SGMS1: variants seen among roughly 807,000 people sequenced by gnomAD.
SGMS1 encodes the protein phosphatidylcholine:ceramide cholinephosphotransferase 1.
SGMS1 carries 13 observed loss-of-function variants against 46.2 expected under a neutral mutation model. The observed-to-expected ratio is 0.28, with a 90% CI of 0.18 to 0.45. SGMS1 has a LOEUF of 0.45. SGMS1 is among the 20% of genes least tolerant of loss of function. The pLI, the probability that SGMS1 is intolerant of heterozygous loss-of-function variation, is 1.00. For synonymous variants in SGMS1, 203 were observed against 187.8 expected (o/e 1.08, Z -0.66); for missense variants, 324 against 519.9 (o/e 0.62, Z 3.66).
intron 8 of SGMS1, among the ~76,000 whole-genome samples, chr10:50,326,630 G>A (rs908436030): frequency 3.3e-5 from 5 of 152,194 alleles, no homozygotes; most frequent in African/African-American, 1.2e-4. Context: ...GTAAAGGTTA[G>A]GAGGTGAAGA....
intron 2 of SGMS1, among the ~76,000 whole-genome samples, chr10:50,587,631 ATATGTGTGTGTGTGTG>A (rs1838498016): frequency 8.4e-6 from 1 of 118,658 alleles, no homozygotes. Flanking sequence ...CTCAAAATAT[ATATGTGTGTGTGTGTG>A]TGTGTGTGTG....
chr10:50,519,131 A>C (rs1837835344), intron 3 of SGMS1, among the ~76,000 whole-genome samples: 1 of 152,230 alleles, frequency 6.6e-6, no homozygotes, highest in African/African-American at 2.4e-5. Flanking sequence ...GCAATATACT[A>C]TTCTGTTCAA....
At chr10:50,318,579 C>T (rs768892758) in intron 8 of SGMS1, among the ~76,000 whole-genome samples, 1 of 152,008 alleles carries the variant, frequency 6.6e-6, no homozygotes, top group African/African-American at 2.4e-5. Flanking sequence ...CCCTGCCGGA[C>T]GCTCACTGGT....
intron 3 of SGMS1, among the ~76,000 whole-genome samples, chr10:50,490,530 T>C (rs768327284): frequency 2.4e-4 from 36 of 152,344 alleles, no homozygotes; most frequent in South Asian, 4.1e-4. Flanking sequence ...TTTCACATCA[T>C]ATGGTTTCTC....
chr10:50,560,800 T>A (rs1384872502), intron 2 of SGMS1, among the ~76,000 whole-genome samples: 1 of 152,096 alleles, frequency 6.6e-6, no homozygotes, highest in African/African-American at 2.4e-5. Context: ...TTGCTGACTC[T>A]AGCCATACAA....
intron 2 of SGMS1, among the ~76,000 whole-genome samples, chr10:50,542,551 T>C (rs896450941): frequency 6.6e-6 from 1 of 151,192 alleles, no homozygotes; most frequent in African/African-American, 2.4e-5. Flanking sequence ...ATAACATAAG[T>C]CCAAATAAAA....
chr10:50,367,999 G>A (rs188842476), intron 6 of SGMS1, among the ~76,000 whole-genome samples: 6 of 152,326 alleles, frequency 3.9e-5, no homozygotes, highest in South Asian at 4.1e-4. Context: ...CCCTTCTCAA[G>A]TTATACAGCA....
chr10:50,603,884 G>A (rs904533028), intron 1 of SGMS1, among the ~76,000 whole-genome samples: 4 of 151,996 alleles, frequency 2.6e-5, no homozygotes, highest in Admixed American at 6.6e-5. Flanking sequence ...TACATAAACA[G>A]GTTAAGATTT....
chr10:50,348,104 A>G (rs1847943993), intron 6 of SGMS1, among the ~76,000 whole-genome samples: 1 of 152,100 alleles, frequency 6.6e-6, no homozygotes, highest in Non-Finnish European at 1.5e-5. Flanking sequence ...GAGTGAGAAC[A>G]TGTGGTTTTT....
chr10:50,309,778 G>A (rs1371125991), intron 9 of SGMS1, among the ~76,000 whole-genome samples: 2 of 152,050 alleles, frequency 1.3e-5, no homozygotes, highest in African/African-American at 4.8e-5. Flanking sequence ...CCTTATCTTA[G>A]TTTTTCAAGA....
intron 2 of SGMS1, among the ~76,000 whole-genome samples, chr10:50,578,466 A>T (rs946500790): frequency 3.9e-5 from 6 of 152,178 alleles, no homozygotes; most frequent in African/African-American, 1.2e-4. Flanking sequence ...TTTATTTTTT[A>T]TCACAAGGCC....
intron 1 of SGMS1, among the ~76,000 whole-genome samples, chr10:50,595,336 T>TG (rs1046347078): frequency 6.6e-6 from 1 of 152,090 alleles, no homozygotes; most frequent in Non-Finnish European, 1.5e-5. Flanking sequence ...CCACCATGCC[T>TG]GGCTAACGTT....
At chr10:50,479,411 G>A (rs2133715858) in intron 3 of SGMS1, among the ~76,000 whole-genome samples, 1 of 152,252 alleles carries the variant, frequency 6.6e-6, no homozygotes, top group Non-Finnish European at 1.5e-5. Context: ...CAAGCATTGT[G>A]TCCCTTAGGA....
At chr10:50,329,728 C>G (rs1252987952) in intron 7 of SGMS1, among the ~76,000 whole-genome samples, 1 of 152,216 alleles carries the variant, frequency 6.6e-6, no homozygotes. Context: ...CAGATGCCAA[C>G]AAGAAGATGT....
chr10:50,376,236 C>A (rs1483649047), intron 6 of SGMS1, among the ~76,000 whole-genome samples: 1 of 152,170 alleles, frequency 6.6e-6, no homozygotes, highest in African/African-American at 2.4e-5. Context: ...GCACAAAAGA[C>A]CACAAACAGA....
At chr10:50,356,906 G>A (rs1240728239) in intron 6 of SGMS1, among the ~76,000 whole-genome samples, 2 of 151,888 alleles carry the variant, frequency 1.3e-5, no homozygotes, top group African/African-American at 4.8e-5. Flanking sequence ...ACCACACACC[G>A]GGGCCTATTG....
chr10:50,409,797 G>A (rs1343720720), intron 6 of SGMS1, among the ~76,000 whole-genome samples: 2 of 151,970 alleles, frequency 1.3e-5, no homozygotes, highest in Non-Finnish European at 2.9e-5. Flanking sequence ...ATATATCAAC[G>A]GGAATATAAG....
At chr10:50,600,179 T>G (rs529991362) in intron 1 of SGMS1, among the ~76,000 whole-genome samples, 1 of 152,340 alleles carries the variant, frequency 6.6e-6, no homozygotes, top group African/African-American at 2.4e-5. Context: ...ACACAATTAC[T>G]TTTGCCAACT....
chr10:50,462,083 G>A (rs187615312), intron 4 of SGMS1, among the ~76,000 whole-genome samples: 4 of 151,392 alleles, frequency 2.6e-5, no homozygotes, highest in Admixed American at 1.3e-4. Context: ...GCAACAAAAC[G>A]AGACCTCATA....
Sources: gnomAD v4.1 joint callset for allele counts (sites outside exome capture counted in the v4.1 genomes callset) on GRCh38, gnomAD v4.1.1 for gene constraint, MANE v1.5 for transcripts, NCBI Gene and HGNC (gene_info 2026-07-23, HGNC 2026-07-21) for gene names.